Variants in NCAPD3 observed in about 807,000 individuals in gnomAD.
NCAPD3 encodes the protein condensin-2 complex subunit D3.
NCAPD3 carries 105 observed loss-of-function variants against 182.9 expected under a neutral mutation model. The observed-to-expected ratio is 0.57, with a 90% CI of 0.49 to 0.68. The LOEUF (loss-of-function observed/expected upper bound fraction) is 0.68. NCAPD3 is among the 30% of genes least tolerant of loss of function. The probability of loss-of-function intolerance (pLI) is 0.00; values close to 1 mark genes in which losing one functional copy is unlikely to be tolerated. For missense variants in NCAPD3, 1,944 were observed against 1,837.0 expected, an observed-to-expected ratio of 1.06 and a Z score of -1.07; for synonymous variants, 815 against 679.9, an observed-to-expected ratio of 1.20 and a Z score of -3.09.
At position 134,192,719 on chromosome 11, in the gene NCAPD3, G is replaced by A. The variant is rs1465581289; in HGVS notation, c.2015C>T (p.Thr672Ile). The A allele has an allele frequency of 1.2e-6, 2 of 1,614,084 alleles. No homozygotes were observed. Among genetic ancestry groups the A allele is most frequent in the East Asian group, 2.2e-5 (1 of 44,898 alleles). The change falls in exon 16 of 35, where the codon ACT becomes ATT. Residue 672 changes from threonine to isoleucine, a missense_variant. By Grantham distance (89) the Thr-to-Ile change is moderately conservative. Around this residue, in one of 3 missense-constraint regions of NCAPD3, gnomAD observed 1,803 missense variants for 1,674.6 expected, o/e 1.08. Coordinates refer to ENST00000534548, the MANE Select transcript of NCAPD3 (RefSeq NM_015261.3). ...TTCCTGGCTTTCGGTGGTGAGGAGA[G>A]TAAGAAGCGCCCAGGCGAGGACCTG... is the stretch of plus-strand genomic sequence containing the variant. ...DSQVLAWALL[T>I]LLTTESQELS... is the part of the protein sequence containing the mutation.
At chr11:134,193,756 AAATAAT>A (rs1246565500) in intron 15 of NCAPD3, among the ~76,000 whole-genome samples, 2 of 152,286 alleles carry the variant, frequency 1.3e-5, no homozygotes, top group African/African-American at 4.8e-5. Flanking sequence ...TCTGTCTCAA[AAATAAT>A]AATAATAACA....
intron 24 of NCAPD3, 120 bp from the exon 25 acceptor site, chr11:134,169,174 T>C (rs1591831382): frequency 4.0e-6 from 4 of 1,002,700 alleles, no homozygotes; most frequent in Non-Finnish European, 5.5e-6. Flanking sequence ...ATTCAAAATC[T>C]ATCCCAATAA....
chr11:134,181,044 C>T (rs372214923), intron 20 of NCAPD3, 33 bp downstream of exon 20: 20 of 1,509,174 alleles, frequency 1.3e-5, no homozygotes, highest in East Asian at 1.1e-4. Context: ...AAAATGGAAG[C>T]GAAAAGAATG....
intron 1 of NCAPD3, chr11:134,223,011 G>C (rs1234087105): frequency 1.1e-5 from 2 of 188,856 alleles, no homozygotes; most frequent in African/African-American, 4.7e-5. Context: ...GGATGCTATG[G>C]GGTAGAGCCA....
chr11:134,158,470 G>A lies in NCAPD3; in HGVS notation c.3893C>T (p.Pro1298Leu), dbSNP rs74796704. ...AGGGTTTTCTTGGCCAGCAGGAACT[G>A]GCACTGTTTCTAAACACAGGGCAAC... ...AQVALCLETV[P>L]VPAGQENPAM... is the part of the protein sequence containing the mutation. Residue 1298 changes from proline to leucine, a missense_variant, in exon 30 of 35, where the codon CCA becomes CTA. Physicochemically the swap from Pro to Leu is moderately conservative, Grantham distance 98. This residue lies in a region of NCAPD3 where 1,803 missense variants were observed against 1,674.6 expected (regional missense o/e 1.08). Coordinates refer to ENST00000534548, the MANE Select transcript of NCAPD3 (RefSeq NM_015261.3). 1.6e-3 allele frequency: 2,641 copies of A among 1,614,016 alleles called. 50 individuals carry two copies. The African/African-American group carries it at 0.031, about 19-fold the overall frequency.
chr11:134,167,869 T>C (rs1456471752), intron 27 of NCAPD3, 127 bp downstream of exon 27: 1 of 899,224 alleles, frequency 1.1e-6, no homozygotes, highest in South Asian at 1.6e-5. Flanking sequence ...ACTCGTGAGA[T>C]GAGCTTGGGG....
intron 13 of NCAPD3, among the ~76,000 whole-genome samples, chr11:134,197,451 A>G (rs1373497139): frequency 6.6e-6 from 1 of 151,768 alleles, no homozygotes; most frequent in Non-Finnish European, 1.5e-5. Context: ...TAATTTTTGT[A>G]TTTTTGGTAG....
Position 134,193,006 on chromosome 11 carries a change from C to T in NCAPD3, c.1825-97G>A, listed in dbSNP as rs1024249091. The stretch of plus-strand genomic sequence containing the variant: ...ATGTTAAAAATAATCACACCTTCAA[C>T]TGCAAATAGACCATAGAGTGAAAAA... On this transcript the variant is annotated intron_variant, in intron 15 of 34. Transcript: ENST00000534548. The T allele has an allele frequency of 1.5e-5, 11 of 715,328 alleles. No individual in the cohort carries two copies. The African/African-American group carries it at 2.0e-4, about 13-fold the overall frequency. 44.3% of individuals were successfully genotyped at this position (715,328 alleles called of 1,614,324 possible).
intron 19 of NCAPD3, chr11:134,183,063 C>T (rs543720979): frequency 4.4e-6 from 2 of 455,534 alleles, no homozygotes; most frequent in South Asian, 1.6e-5. Context: ...ATGTAACCAC[C>T]GTCCTAATGG....
intron 16 of NCAPD3, among the ~76,000 whole-genome samples, chr11:134,189,561 T>G (rs1944481229): frequency 6.6e-6 from 1 of 152,228 alleles, no homozygotes; most frequent in South Asian, 2.1e-4. Flanking sequence ...AATGCTCTTT[T>G]TTGAGGTTTT....
intron 3 of NCAPD3, 33 bp downstream of exon 3, chr11:134,216,903 G>A (rs763991687): frequency 6.5e-7 from 1 of 1,548,072 alleles, no homozygotes; most frequent in Admixed American, 2.2e-5. Flanking sequence ...AAAAATGACA[G>A]AAGATTTATC....
chr11:134,196,037 A>C (rs1365372807), intron 13 of NCAPD3, among the ~76,000 whole-genome samples: 1 of 152,228 alleles, frequency 6.6e-6, no homozygotes, highest in African/African-American at 2.4e-5. Flanking sequence ...ACAATAGAGA[A>C]AAATCAATGA....
intron 18 of NCAPD3, 44 bp from the exon 19 acceptor site, chr11:134,184,796 T>G (rs777752847): frequency 7.0e-7 from 1 of 1,432,960 alleles, no homozygotes; most frequent in Non-Finnish European, 9.7e-7. Context: ...TGCTTAAATA[T>G]ATTCAGGTAT....
intron 24 of NCAPD3, among the ~76,000 whole-genome samples, chr11:134,171,759 T>C (rs563755971): frequency 1.5e-4 from 23 of 152,040 alleles, no homozygotes; most frequent in Non-Finnish European, 3.1e-4. Context: ...GGCCCTACCC[T>C]CCACAGCCAA....
At chr11:134,176,985 A>C (rs999883016) in intron 23 of NCAPD3, among the ~76,000 whole-genome samples, 7 of 152,230 alleles carry the variant, frequency 4.6e-5, no homozygotes, top group African/African-American at 1.4e-4. Context: ...TTTCAAAATG[A>C]AACTTCTCAC....
intron 29 of NCAPD3, among the ~76,000 whole-genome samples, chr11:134,159,563 C>A (rs1456897567): frequency 6.6e-6 from 1 of 152,202 alleles, no homozygotes; most frequent in East Asian, 1.9e-4. Flanking sequence ...TAGAAATGGC[C>A]GTGTGCCGGT....
chr11:134,150,857 T>C lies in NCAPD3; in HGVS notation c.*2087A>G, dbSNP rs1009747556. The C allele has an allele frequency of 7.9e-5, 12 of 152,128 alleles. No individual in the cohort carries two copies. Among genetic ancestry groups the C allele is most frequent in the Non-Finnish European group, 1.5e-4 (10 of 67,988 alleles). The allele number at this position is 152,128 out of a possible 1,614,324, so 9.4% of individuals were successfully genotyped here. On this transcript the variant is annotated 3_prime_UTR_variant, in exon 35 of 35. Coordinates refer to ENST00000534548, the MANE Select transcript of NCAPD3 (RefSeq NM_015261.3). Reference sequence around the variant, plus strand: ...GGCCAGTCCAGCCTTTTAAAGAACGTCAGGTGGAGCAGCCAGGTGAAAGGC... The same window carrying C: ...GGCCAGTCCAGCCTTTTAAAGAACGCCAGGTGGAGCAGCCAGGTGAAAGGC...
chr11:134,223,215 G>A (rs1938304487), intron 1 of NCAPD3: 2 of 556,566 alleles, frequency 3.6e-6, no homozygotes, highest in Non-Finnish European at 6.5e-6. Context: ...AAGTGTGGGG[G>A]ATGGGCTGGC....
chr11:134,201,242 T>C (rs191940359), intron 13 of NCAPD3, among the ~76,000 whole-genome samples: 1 of 152,124 alleles, frequency 6.6e-6, no homozygotes, highest in Admixed American at 6.5e-5. Context: ...CAGGATGGTC[T>C]CGATCTCCTG....
Sources: allele counts gnomAD v4.1 joint callset (sites outside exome capture counted in the v4.1 genomes callset), GRCh38; gene constraint gnomAD v4.1.1; regional missense constraint gnomAD v4.1.1; transcripts MANE v1.5; gene names NCBI Gene and HGNC (gene_info 2026-07-23, HGNC 2026-07-21).